Variants in PTK2 observed in about 807,000 individuals in gnomAD.
PTK2 encodes focal adhesion kinase 1.
A neutral mutation model predicts 150.1 loss-of-function variants in PTK2; 45 were observed. That is an observed-to-expected ratio of 0.30 (90% CI 0.24 to 0.38). The LOEUF (loss-of-function observed/expected upper bound fraction) is 0.38. Among genes scored for constraint, PTK2 ranks in the 10% least tolerant of loss-of-function variants. The pLI is 1.00. For synonymous variants in PTK2, 432 were observed against 449.2 expected (o/e 0.96, Z 0.48); for missense variants, 919 against 1,307.3 (o/e 0.70, Z 4.58).
intron 22 of PTK2, among the ~76,000 whole-genome samples, chr8:140,722,622 A>C (rs1316669266): frequency 6.6e-6 from 1 of 152,146 alleles, no homozygotes; most frequent in Non-Finnish European, 1.5e-5. Flanking sequence ...CACTGGGAGC[A>C]GGAGACCAGT....
At chr8:140,712,849 G>A (rs1053683518) in intron 23 of PTK2, among the ~76,000 whole-genome samples, 1 of 152,074 alleles carries the variant, frequency 6.6e-6, no homozygotes, top group African/African-American at 2.4e-5. Context: ...ATTTTATACC[G>A]GTAACAAACA....
intron 14 of PTK2, among the ~76,000 whole-genome samples, chr8:140,780,534 A>G (rs2100081084): frequency 6.6e-6 from 1 of 152,198 alleles, no homozygotes; most frequent in Non-Finnish European, 1.5e-5. Context: ...CCTAATCCAG[A>G]ATATGAGAAT....
chr8:140,889,891 CTA>C (rs1211506619), intron 3 of PTK2, among the ~76,000 whole-genome samples: 1 of 152,224 alleles, frequency 6.6e-6, no homozygotes, highest in African/African-American at 2.4e-5. Flanking sequence ...TTCTGTATCA[CTA>C]TCTTTCCTCA....
intron 2 of PTK2, among the ~76,000 whole-genome samples, chr8:140,908,937 C>T (rs983963597): frequency 1.3e-5 from 2 of 152,112 alleles, no homozygotes; most frequent in African/African-American, 2.4e-5. Flanking sequence ...GAAACTGGGC[C>T]GGGCACAGTG....
intron 26 of PTK2, among the ~76,000 whole-genome samples, chr8:140,697,181 G>A (rs1222029511): frequency 6.7e-6 from 1 of 150,334 alleles, no homozygotes; most frequent in South Asian, 2.1e-4. Context: ...ACTTGAGTGG[G>A]AAAGTGCCTC....
intron 23 of PTK2, among the ~76,000 whole-genome samples, chr8:140,714,300 A>G (rs926562710): frequency 6.6e-6 from 1 of 152,164 alleles, no homozygotes; most frequent in African/African-American, 2.4e-5. Context: ...AAATTTTTCT[A>G]TATTAGTATT....
chr8:140,837,392 A>G (rs2100119334), intron 7 of PTK2, among the ~76,000 whole-genome samples: 1 of 152,250 alleles, frequency 6.6e-6, no homozygotes, highest in African/African-American at 2.4e-5. Context: ...ACACTCTCAG[A>G]AACTATGCCT....
chr8:140,779,104 T>TA (rs1322064699), intron 14 of PTK2, among the ~76,000 whole-genome samples: 1 of 150,802 alleles, frequency 6.6e-6, no homozygotes, highest in Non-Finnish European at 1.5e-5. Context: ...CTACTAAAAA[T>TA]AAAAAAAATT....
intron 1 of PTK2, among the ~76,000 whole-genome samples, chr8:140,981,539 A>C (rs544742463): frequency 1.1e-4 from 17 of 152,226 alleles, no homozygotes; most frequent in Non-Finnish European, 2.4e-4. Flanking sequence ...GAGAACAGCA[A>C]ACTATGACCC....
chr8:140,993,825 A>G (rs999119834), intron 1 of PTK2, among the ~76,000 whole-genome samples: 2 of 151,948 alleles, frequency 1.3e-5, no homozygotes, highest in African/African-American at 4.8e-5. Flanking sequence ...GACCTCCCAG[A>G]CTCAAGTGAT....
rs115573751 is a variant in PTK2, at chr8:140,759,904, T to C, written c.1332+1261A>G. ...CCATATGATGAAGCAATTCCACTAA[T>C]AGGCATATACAAAAGAGAACTAAAA... On this transcript the variant is annotated intron_variant, in intron 16 of 31. Coordinates refer to ENST00000522684, the Ensembl canonical transcript of PTK2. Among the ~76,000 whole-genome samples the C allele has an allele frequency of 4.8e-3, 715 of 150,402 alleles. 6 individuals are homozygous for C. Among genetic ancestry groups the C allele is most frequent in the African/African-American group, 0.016 (670 of 40,922 alleles).
chr8:140,951,482 G>C (rs2100179531), intron 1 of PTK2, among the ~76,000 whole-genome samples: 1 of 152,128 alleles, frequency 6.6e-6, no homozygotes, highest in Non-Finnish European at 1.5e-5. Flanking sequence ...TGCGGTGGGG[G>C]GGAATTACAG....
intron 2 of PTK2, among the ~76,000 whole-genome samples, chr8:140,912,590 C>T (rs2100163635): frequency 6.6e-6 from 1 of 151,884 alleles, no homozygotes; most frequent in African/African-American, 2.4e-5. Context: ...CAAAAATCAA[C>T]ACCCTCTCAT....
chr8:140,720,154 G>A (rs1446174801), intron 22 of PTK2, among the ~76,000 whole-genome samples: 1 of 151,836 alleles, frequency 6.6e-6, no homozygotes, highest in East Asian at 1.9e-4. Context: ...AATGTAACGA[G>A]CATTACATGA....
chr8:140,916,543 A>G (rs1006236797), intron 2 of PTK2, among the ~76,000 whole-genome samples: 2 of 152,246 alleles, frequency 1.3e-5, no homozygotes, highest in Non-Finnish European at 2.9e-5. Flanking sequence ...GACATTCTAT[A>G]TAAGACTGTC....
At chr8:140,800,665 C>T in intron 11 of PTK2, 89 bp from the exon 12 acceptor site, 1 of 925,534 alleles carries the variant, frequency 1.1e-6, no homozygotes, top group Non-Finnish European at 1.7e-6. Flanking sequence ...CATCTCTATA[C>T]ACTTGAAAAC....
rs1383307965 is a variant in PTK2 at position 140,720,284 on chromosome 8, A to G, written c.2031-2575T>C. ...AAAACACCTTCTGTTATACTTTGAA[A>G]CAGTGCCTGGCACATAGCTGACACT... is the stretch of plus-strand genomic sequence containing the variant. On this transcript the variant is annotated intron_variant, in intron 22 of 31. Coordinates refer to ENST00000522684, the Ensembl canonical transcript of PTK2. 2.0e-5 allele frequency among the ~76,000 whole-genome samples: 3 copies of G among 152,198 alleles called. No homozygotes were observed. In the East Asian group the frequency reaches 5.8e-4, roughly 29 times the overall value.
chr8:140,779,753 A>C (rs1182522164), intron 14 of PTK2, among the ~76,000 whole-genome samples: 1 of 152,174 alleles, frequency 6.6e-6, no homozygotes, highest in Non-Finnish European at 1.5e-5. Flanking sequence ...GAGCATAATG[A>C]GATTAGTCCA....
intron 13 of PTK2, 92 bp downstream of exon 13, chr8:140,793,257 GAATTT>G: frequency 2.2e-6 from 3 of 1,358,742 alleles, no homozygotes; most frequent in South Asian, 2.7e-5. Flanking sequence ...CATGTATATT[GAATTT>G]AATTTTTTTA....
Sources: allele counts gnomAD v4.1 joint callset (sites outside exome capture counted in the v4.1 genomes callset), GRCh38; gene constraint gnomAD v4.1.1; transcripts MANE v1.5; gene names NCBI Gene and HGNC (gene_info 2026-07-23, HGNC 2026-07-21).